CCDC91: variants seen among roughly 807,000 people sequenced by gnomAD.
The protein encoded by CCDC91 is coiled-coil domain containing 91.
A neutral mutation model predicts 63.2 loss-of-function variants in CCDC91; 48 were observed. The ratio of observed to expected loss-of-function variants is 0.76; its 90% CI spans 0.60 to 0.97. The LOEUF is 0.97. Among genes scored for constraint, CCDC91 ranks in the 50% least tolerant of loss-of-function variants. The probability of loss-of-function intolerance (pLI) is 0.00; values close to 1 mark genes in which losing one functional copy is unlikely to be tolerated. For synonymous variants in CCDC91, 167 were observed against 165.8 expected (o/e 1.01, Z -0.06); for missense variants, 500 against 494.6 (o/e 1.01, Z -0.10).
intron 6 of CCDC91, among the ~76,000 whole-genome samples, chr12:28,353,336 A>C (rs1290820640): frequency 6.6e-6 from 1 of 152,196 alleles, no homozygotes; most frequent in African/African-American, 2.4e-5. Flanking sequence ...TCACTTTCTT[A>C]TCATTTGTGT....
intron 11 of CCDC91, among the ~76,000 whole-genome samples, chr12:28,475,608 T>C (rs1416452968): frequency 1.3e-5 from 2 of 151,992 alleles, no homozygotes; most frequent in Non-Finnish European, 2.9e-5. Flanking sequence ...TTGTATACCA[T>C]CATGTAATAC....
chr12:28,334,153 G>C (rs1387840314), intron 6 of CCDC91, among the ~76,000 whole-genome samples: 1 of 152,004 alleles, frequency 6.6e-6, no homozygotes, highest in African/African-American at 2.4e-5. Flanking sequence ...AAGTCTAACA[G>C]CTTGAGGAAT....
intron 6 of CCDC91, among the ~76,000 whole-genome samples, chr12:28,334,984 T>C (rs1941817567): frequency 7.5e-6 from 1 of 133,680 alleles, no homozygotes; most frequent in Non-Finnish European, 1.6e-5. Context: ...GTTCAGTGTT[T>C]ATGTGTGTGT....
chr12:28,430,258 G>A (rs1242411359), intron 8 of CCDC91, among the ~76,000 whole-genome samples: 1 of 151,972 alleles, frequency 6.6e-6, no homozygotes, highest in African/African-American at 2.4e-5. Flanking sequence ...GGATGGAATA[G>A]AACAAGGGAG....
chr12:28,531,033 AC>A (rs1156396247), intron 12 of CCDC91, among the ~76,000 whole-genome samples: 10 of 152,280 alleles, frequency 6.6e-5, no homozygotes, highest in African/African-American at 2.2e-4. Context: ...ATTATAAATT[AC>A]CCAGTCTCAG....
At chr12:28,235,351 A>G (rs920525358) in intron 1 of CCDC91, among the ~76,000 whole-genome samples, 1 of 152,162 alleles carries the variant, frequency 6.6e-6, no homozygotes, top group African/African-American at 2.4e-5. Flanking sequence ...TGGCATTCTT[A>G]TTTTTAAAAT....
intron 12 of CCDC91, among the ~76,000 whole-genome samples, chr12:28,532,716 A>G (rs1318518572): frequency 6.6e-6 from 1 of 152,138 alleles, no homozygotes; most frequent in East Asian, 1.9e-4. Context: ...ATAACTAGGA[A>G]GCTTATGATA....
At chr12:28,425,051 T>C (rs1948232306) in intron 8 of CCDC91, among the ~76,000 whole-genome samples, 1 of 152,134 alleles carries the variant, frequency 6.6e-6, no homozygotes, top group Non-Finnish European at 1.5e-5. Flanking sequence ...CTATTGTGAT[T>C]TTTTTTCAGC....
At chr12:28,417,713 A>C (rs916070828) in intron 8 of CCDC91, among the ~76,000 whole-genome samples, 1 of 151,682 alleles carries the variant, frequency 6.6e-6, no homozygotes, top group African/African-American at 2.4e-5. Context: ...TCACATCACA[A>C]TGTTATTTTT....
At chr12:28,504,740 C>G (rs1403271901) in intron 12 of CCDC91, among the ~76,000 whole-genome samples, 1 of 151,928 alleles carries the variant, frequency 6.6e-6, no homozygotes, top group Non-Finnish European at 1.5e-5. Flanking sequence ...TGTAGGCATG[C>G]TTATGTCACT....
intron 6 of CCDC91, among the ~76,000 whole-genome samples, chr12:28,358,673 A>G (rs1022386006): frequency 4.6e-5 from 7 of 152,206 alleles, no homozygotes; most frequent in Non-Finnish European, 1.0e-4. Context: ...TAAATGTAAT[A>G]CATAGTGATA....
At chr12:28,547,275 A>C (rs932185440) in intron 12 of CCDC91, among the ~76,000 whole-genome samples, 2 of 152,128 alleles carry the variant, frequency 1.3e-5, no homozygotes, top group African/African-American at 2.4e-5. Flanking sequence ...CTTAGATTTC[A>C]ATCTGTTTTA....
At position 28,391,242 on chromosome 12, in the gene CCDC91, G is replaced by A. The variant is rs75863874; in HGVS notation, c.655-62G>A. The A allele has an allele frequency of 2.4e-3, 2,184 of 907,190 alleles. 33 individuals carry two copies. The African/African-American group carries it at 0.031, about 13-fold the overall frequency. 56.2% of individuals were successfully genotyped at this position (907,190 alleles called of 1,614,324 possible). A position where few individuals can be genotyped will look rare whatever the true frequency, so the allele number is the denominator to read the frequency against. ...ATGTACAACTGTCAAAAATATTCTC[G>A]TGCCAACAGTAGATTCCCAAGTTTT... On this transcript the variant is annotated intron_variant, in intron 7 of 12. Transcript: ENST00000536442.
intron 7 of CCDC91, among the ~76,000 whole-genome samples, chr12:28,388,823 A>G (rs1945765263): frequency 6.6e-6 from 1 of 152,142 alleles, no homozygotes; most frequent in African/African-American, 2.4e-5. Flanking sequence ...ATTGAAACTG[A>G]ATCCTCATCT....
At chr12:28,261,007 G>A (rs1946788947) in intron 3 of CCDC91, among the ~76,000 whole-genome samples, 1 of 152,004 alleles carries the variant, frequency 6.6e-6, no homozygotes, top group African/African-American at 2.4e-5. Context: ...GGGATGAAGT[G>A]TATTCTTTCA....
chr12:28,351,676 C>CT (rs539085210), intron 6 of CCDC91, among the ~76,000 whole-genome samples: 561 of 145,282 alleles, frequency 3.9e-3, no homozygotes, highest in Middle Eastern at 7.1e-3. Flanking sequence ...GTCATTCCTC[C>CT]TTTTTTTTTT....
chr12:28,244,494 C>CTTTTTTTTTTTTTTTTTTTTT (rs3064681), intron 1 of CCDC91, among the ~76,000 whole-genome samples: 1 of 38,428 alleles, frequency 2.6e-5, no homozygotes, highest in African/African-American at 1.2e-4. Flanking sequence ...TAGAAGAAGG[C>CTTTTTTTTTTTTTTTTTTTTT]TTTTTTTTTT....
chr12:28,291,540 C>T (rs1177271634), intron 3 of CCDC91, among the ~76,000 whole-genome samples: 7 of 152,136 alleles, frequency 4.6e-5, no homozygotes, highest in African/African-American at 1.7e-4. Context: ...ATCAGACCAC[C>T]AACCAGTGAC....
chr12:28,470,786 A>T (rs565506823), intron 11 of CCDC91, among the ~76,000 whole-genome samples: 1 of 152,318 alleles, frequency 6.6e-6, no homozygotes, highest in African/African-American at 2.4e-5. Context: ...TTGCAACAAC[A>T]TGAATGGAAC....
Sources: allele counts gnomAD v4.1 joint callset (sites outside exome capture counted in the v4.1 genomes callset), GRCh38; gene constraint gnomAD v4.1.1; transcripts MANE v1.5; gene names NCBI Gene and HGNC (gene_info 2026-07-23, HGNC 2026-07-21).